The following RPS6KA2 variants were observed in gnomAD, a reference collection of about 807,000 sequenced individuals.
RPS6KA2 encodes ribosomal protein S6 kinase A2, also known as ribosomal protein S6 kinase alpha-2.
RPS6KA2 carries 42 observed loss-of-function variants against 91.8 expected under a neutral mutation model. The observed-to-expected ratio is 0.46, with a 90% CI of 0.36 to 0.59. The LOEUF is 0.59. RPS6KA2 is among the 20% of genes least tolerant of loss of function. RPS6KA2 has a pLI of 0.00. For synonymous variants in RPS6KA2, 414 were observed against 393.6 expected (o/e 1.05, Z -0.61); for missense variants, 798 against 978.5 (o/e 0.82, Z 2.46).
intron 1 of RPS6KA2, among the ~76,000 whole-genome samples, chr6:166,569,720 A>T (rs1173930804): frequency 6.6e-6 from 1 of 152,210 alleles, no homozygotes; most frequent in African/African-American, 2.4e-5. Flanking sequence ...CCCTCTGGGA[A>T]CTATACTTAC....
At chr6:166,444,513 A>G (rs954173848) in intron 14 of RPS6KA2, among the ~76,000 whole-genome samples, 2 of 152,248 alleles carry the variant, frequency 1.3e-5, no homozygotes, top group African/African-American at 4.8e-5. Flanking sequence ...TGTGTCTGAT[A>G]AAAGGAAGAG....
chr6:166,480,884 A>G (rs1193924948), intron 10 of RPS6KA2, among the ~76,000 whole-genome samples: 1 of 152,142 alleles, frequency 6.6e-6, no homozygotes, highest in East Asian at 1.9e-4. Flanking sequence ...TCCTGACCTT[A>G]GCTGATCCAC....
rs550480068 is a variant in RPS6KA2 at position 166,748,011 on chromosome 6, G to T, written c.123+110189C>A. On this transcript the variant is annotated intron_variant, in intron 2 of 21. Transcript: ENST00000503859. ...GCCCATGCCAGTGAATGTGCCAACG[G>T]TCCCTGTAGATCTGCAGGAGCCTGG... Among the ~76,000 whole-genome samples, 86 of 152,300 alleles carry T rather than the reference G, an allele frequency of 5.6e-4. 1 individual carries two copies. The South Asian group carries it at 0.016, about 29-fold the overall frequency.
chr6:166,569,782 AC>A (rs1020583224), intron 1 of RPS6KA2, among the ~76,000 whole-genome samples: 1 of 151,260 alleles, frequency 6.6e-6, no homozygotes, highest in African/African-American at 2.4e-5. Flanking sequence ...CTCAAAGGAC[AC>A]CCCCCTCGGG....
At chr6:166,632,743 A>G (rs537921261) in intron 2 of RPS6KA2, among the ~76,000 whole-genome samples, 1 of 152,354 alleles carries the variant, frequency 6.6e-6, no homozygotes, top group African/African-American at 2.4e-5. Context: ...GACAGACACA[A>G]AGACCAGGAG....
intron 2 of RPS6KA2, among the ~76,000 whole-genome samples, chr6:166,846,351 A>G (rs992459722): frequency 3.9e-5 from 6 of 152,170 alleles, no homozygotes; most frequent in African/African-American, 1.4e-4. Flanking sequence ...TCCTTCTTAA[A>G]TCATTCTATG....
intron 2 of RPS6KA2, among the ~76,000 whole-genome samples, chr6:166,674,516 A>G (rs1054487329): frequency 3.5e-4 from 53 of 152,346 alleles, no homozygotes; most frequent in African/African-American, 1.2e-3. Context: ...ATATCTTTAG[A>G]GGGAGACCGG....
intron 2 of RPS6KA2, among the ~76,000 whole-genome samples, chr6:166,751,311 G>A (rs899207092): frequency 6.6e-6 from 1 of 152,256 alleles, no homozygotes; most frequent in Non-Finnish European, 1.5e-5. Context: ...GATTACACAG[G>A]AATTCAGATG....
chr6:166,492,606 A>G (rs1200563205), intron 8 of RPS6KA2, among the ~76,000 whole-genome samples: 1 of 152,012 alleles, frequency 6.6e-6, no homozygotes, highest in Non-Finnish European at 1.5e-5. Flanking sequence ...TCCCATACAC[A>G]CCGTTTAATC....
chr6:166,674,568 A>G (rs1199224849), intron 2 of RPS6KA2, among the ~76,000 whole-genome samples: 4 of 152,326 alleles, frequency 2.6e-5, no homozygotes, highest in South Asian at 2.1e-4. Flanking sequence ...AAAATAGGAA[A>G]TCAAGGAATG....
Position 166,434,340 on chromosome 6 carries a change from C to T in RPS6KA2, c.1333-1850G>A, listed in dbSNP as rs1281817802. 3.9e-5 allele frequency among the ~76,000 whole-genome samples: 6 copies of T among 152,202 alleles called. No homozygotes were observed. The highest frequency in any genetic ancestry group is 8.8e-5 in the Non-Finnish European group (6 of 68,036). The stretch of plus-strand genomic sequence containing the variant: ...ACATAGAATTTCTCTCCTTCTGCTG[C>T]ATTTAATTCTACTGAAGTTTTAGCT... On this transcript the variant is annotated intron_variant, in intron 14 of 20. Coordinates refer to ENST00000265678, the MANE Select transcript of RPS6KA2 (RefSeq NM_021135.6). This position sits in a 1 kb window ranked among gnomAD's most constrained non-coding sequence, Gnocchi z 4.4.
chr6:166,522,009 A>C (rs1161385369), intron 3 of RPS6KA2, among the ~76,000 whole-genome samples: 1 of 152,212 alleles, frequency 6.6e-6, no homozygotes, highest in Non-Finnish European at 1.5e-5. Context: ...ACACAGCCAG[A>C]AGATGGCTAT....
rs1195770628 is a variant in RPS6KA2 at position 166,607,215 on chromosome 6, T to C, written c.99+19706A>G. On this transcript the variant is annotated intron_variant, in intron 1 of 20. Transcript: ENST00000265678. ...ACAATGTTGCAATCACTTTGGAAAATGGTCTAGAAGTTCCTCAAAAGCTCA... is the reference window on the plus strand; with the variant it reads ...ACAATGTTGCAATCACTTTGGAAAACGGTCTAGAAGTTCCTCAAAAGCTCA... Among the ~76,000 whole-genome samples, 17 of 139,000 alleles carry C rather than the reference T, an allele frequency of 1.2e-4. No individual in the cohort carries two copies. The Admixed American group carries it at 1.3e-3, about 10-fold the overall frequency. 91.2% of individuals were successfully genotyped at this position (139,000 alleles called of 152,430 possible). A position where few individuals can be genotyped will look rare whatever the true frequency, so the allele number is the denominator to read the frequency against.
At chr6:166,617,387 G>A (rs1244343102) in intron 1 of RPS6KA2, among the ~76,000 whole-genome samples, 4 of 152,008 alleles carry the variant, frequency 2.6e-5, no homozygotes, top group Non-Finnish European at 5.9e-5. Flanking sequence ...AAAGTTGTTC[G>A]GGGATTTTTT....
chr6:166,755,801 C>T (rs1450135141), intron 2 of RPS6KA2, among the ~76,000 whole-genome samples: 4 of 152,168 alleles, frequency 2.6e-5, no homozygotes, highest in African/African-American at 9.7e-5. Flanking sequence ...GAGCAAACAA[C>T]TGCATGAGAA....
Position 166,508,292 on chromosome 6 carries a change from AC to A in RPS6KA2, c.380-11del. On this transcript the variant is annotated splice_polypyrimidine_tract_variant and intron_variant, in intron 4 of 20. Transcript: ENST00000265678. This position sits in a 1 kb window ranked among gnomAD's most constrained non-coding sequence, Gnocchi z 4.3. ...CCTTCCGTCTGAAAGGCTGTGGGGG[AC>A]AGAGACCCGCATTTTGACAGCTTGT... is the stretch of plus-strand genomic sequence containing the variant. 6.3e-7 allele frequency: 1 copy of A among 1,587,614 alleles called. No homozygotes were observed. The highest frequency in any genetic ancestry group is 8.6e-7 in the Non-Finnish European group (1 of 1,156,368).
chr6:166,584,354 G>A (rs1284237400), intron 1 of RPS6KA2, among the ~76,000 whole-genome samples: 1 of 152,174 alleles, frequency 6.6e-6, no homozygotes, highest in Non-Finnish European at 1.5e-5. Context: ...TTCCTTACAG[G>A]CCCTTTCTCC....
Position 166,646,896 on chromosome 6 carries a change from C to T in RPS6KA2, c.124-108112G>A, listed in dbSNP as rs565874640. Reference sequence around the variant, plus strand: ...GCCGTGGTGGGTGTGGGCCTCTGTGCGAGCCGCTCCCCTGTGTGCCTTCGG... The same window carrying T: ...GCCGTGGTGGGTGTGGGCCTCTGTGTGAGCCGCTCCCCTGTGTGCCTTCGG... On this transcript the variant is annotated intron_variant, in intron 2 of 21. Coordinates refer to the RPS6KA2 transcript ENST00000503859. Among the ~76,000 whole-genome samples the T allele has an allele frequency of 5.9e-5, 9 of 152,120 alleles. No individual in the cohort carries two copies. In the East Asian group the frequency reaches 1.4e-3, roughly 23 times the overall value.
At chr6:166,744,387 CCCG>C (rs1790916408) in intron 2 of RPS6KA2, among the ~76,000 whole-genome samples, 1 of 152,122 alleles carries the variant, frequency 6.6e-6, no homozygotes, top group African/African-American at 2.4e-5. Flanking sequence ...CGGCCCCGGG[CCCG>C]GGGAGTCGGA....
Sources: gnomAD v4.1 joint callset for allele counts (sites outside exome capture counted in the v4.1 genomes callset) on GRCh38, gnomAD v4.1.1 for gene constraint, Gnocchi (gnomAD v3.1) non-coding constraint, MANE v1.5 for transcripts, NCBI Gene and HGNC (gene_info 2026-07-23, HGNC 2026-07-21) for gene names.